The following LINGO2 variants were observed in gnomAD, a reference collection of about 807,000 sequenced individuals.
LINGO2 encodes the protein leucine rich repeat and Ig domain containing 2, also known as leucine-rich repeat and immunoglobulin-like domain-containing nogo receptor-interacting protein 2.
In LINGO2, 14 loss-of-function variants were observed where a neutral mutation model predicts 30.6. The ratio of observed to expected loss-of-function variants is 0.46; its 90% CI spans 0.30 to 0.72. The LOEUF (loss-of-function observed/expected upper bound fraction) is 0.72. Ranked by LOEUF, LINGO2 falls within the 30% of genes least tolerant of loss-of-function variation. The pLI is 0.07. For synonymous variants in LINGO2, 317 were observed against 288.5 expected, an observed-to-expected ratio of 1.10 and a Z score of -1.00; for missense variants, 729 against 751.7, an observed-to-expected ratio of 0.97 and a Z score of 0.35.
In LINGO2 at chr9:27,959,877, C is replaced by G. The variant is rs377067563; in HGVS notation, c.-35-9171G>C. Among the ~76,000 whole-genome samples, 108 of 152,232 alleles carry G rather than the reference C, an allele frequency of 7.1e-4. No individual in the cohort carries two copies. The South Asian group carries it at 0.021, about 29-fold the overall frequency. ...TCCTGAGAAATGGGTATTAAAATCT[C>G]TAACTATGAATGTGAACTTGTCTGC... On this transcript the variant is annotated intron_variant, in intron 5 of 5. Transcript: ENST00000379992.
chr9:28,063,428 T>C (rs1479759657), intron 4 of LINGO2, among the ~76,000 whole-genome samples: 1 of 67,716 alleles, frequency 1.5e-5, no homozygotes, highest in Non-Finnish European at 2.9e-5. Flanking sequence ...TCAATATTAT[T>C]ATCCACATTT....
At chr9:28,685,947 G>C in the LINGO2 span, among the ~76,000 whole-genome samples, 2 of 151,360 alleles carry the variant, frequency 1.3e-5, no homozygotes, top group Non-Finnish European at 2.9e-5. Flanking sequence ...GTGTGTGGGT[G>C]CATGATTTCT....
At chr9:28,536,482 C>T (rs1236681571) in intron 1 of LINGO2, among the ~76,000 whole-genome samples, 4 of 151,988 alleles carry the variant, frequency 2.6e-5, no homozygotes, top group Non-Finnish European at 5.9e-5. Context: ...AGTAATAATG[C>T]ATGAATGAAG....
the LINGO2 span, among the ~76,000 whole-genome samples, chr9:29,199,110 TC>T: frequency 1.3e-5 from 2 of 152,122 alleles, no homozygotes; most frequent in African/African-American, 4.8e-5. Flanking sequence ...CATTGAAGTT[TC>T]AGTGATGTCA....
chr9:28,586,628 T>C (rs1354620193), intron 1 of LINGO2, among the ~76,000 whole-genome samples: 1 of 152,064 alleles, frequency 6.6e-6, no homozygotes, highest in Non-Finnish European at 1.5e-5. Flanking sequence ...CAAATATATC[T>C]GTCCTTCCAA....
chr9:28,847,832 TAGTATATATACACATATA>T, the LINGO2 span, among the ~76,000 whole-genome samples: 48 of 82,262 alleles, frequency 5.8e-4, 5 homozygotes, highest in Non-Finnish European at 1.1e-3. Context: ...TATATATGTA[TAGTATATATACACATATA>T]TGTATATATA....
At chr9:28,248,001 T>A (rs1392856639) in intron 4 of LINGO2, among the ~76,000 whole-genome samples, 4 of 152,198 alleles carry the variant, frequency 2.6e-5, no homozygotes, top group Non-Finnish European at 4.4e-5. Flanking sequence ...CCTCATACAC[T>A]GTTGGTTGGA....
At chr9:28,723,077 T>C in the LINGO2 span, among the ~76,000 whole-genome samples, 2 of 152,120 alleles carry the variant, frequency 1.3e-5, no homozygotes, top group African/African-American at 4.8e-5. Flanking sequence ...AGGTGGTTTA[T>C]GTACACACAG....
chr9:28,983,719 C>T, the LINGO2 span, among the ~76,000 whole-genome samples: 1 of 151,754 alleles, frequency 6.6e-6, no homozygotes, highest in Non-Finnish European at 1.5e-5. Context: ...CCATACAGTA[C>T]CTAGTCCAAA....
chr9:28,982,636 T>G, the LINGO2 span, among the ~76,000 whole-genome samples: 1 of 151,906 alleles, frequency 6.6e-6, no homozygotes, highest in African/African-American at 2.4e-5. Context: ...AGAGAAAAAT[T>G]TTTCTAAAGC....
At chr9:28,173,386 T>C (rs1828656427) in intron 4 of LINGO2, among the ~76,000 whole-genome samples, 1 of 152,146 alleles carries the variant, frequency 6.6e-6, no homozygotes, top group Non-Finnish European at 1.5e-5. Flanking sequence ...AGCTGAACTC[T>C]AAGGAAATGG....
the LINGO2 span, among the ~76,000 whole-genome samples, chr9:28,887,106 C>A: frequency 6.6e-6 from 1 of 152,022 alleles, no homozygotes; most frequent in Non-Finnish European, 1.5e-5. Flanking sequence ...AATGCTGTGT[C>A]CATTATAATA....
intron 1 of LINGO2, among the ~76,000 whole-genome samples, chr9:28,519,189 G>A (rs963456387): frequency 6.6e-6 from 1 of 151,668 alleles, no homozygotes. Context: ...GTGCCACTAC[G>A]TCCAGACAAT....
chr9:28,860,066 A>G, the LINGO2 span, among the ~76,000 whole-genome samples: 2 of 152,118 alleles, frequency 1.3e-5, no homozygotes, highest in African/African-American at 4.8e-5. Flanking sequence ...AAATTAAATA[A>G]AACATAAATA....
chr9:28,867,974 A>G, the LINGO2 span, among the ~76,000 whole-genome samples: 1 of 152,178 alleles, frequency 6.6e-6, no homozygotes, highest in Non-Finnish European at 1.5e-5. Flanking sequence ...ATACTTAAAC[A>G]TTTTGTAAAA....
chr9:28,320,052 TC>T (rs1824984079), intron 3 of LINGO2, among the ~76,000 whole-genome samples: 1 of 152,120 alleles, frequency 6.6e-6, no homozygotes, highest in Non-Finnish European at 1.5e-5. Context: ...CCTATGGAAT[TC>T]CAGCTATACG....
chr9:28,173,483 T>C (rs928352258), intron 4 of LINGO2, among the ~76,000 whole-genome samples: 4 of 152,216 alleles, frequency 2.6e-5, no homozygotes, highest in African/African-American at 9.6e-5. Flanking sequence ...ATAGGACCAA[T>C]TTTTTGAATT....
the LINGO2 span, among the ~76,000 whole-genome samples, chr9:28,820,559 A>G: frequency 1.3e-5 from 2 of 152,242 alleles, no homozygotes; most frequent in African/African-American, 4.8e-5. Flanking sequence ...TTCATTATAT[A>G]TGTCCAGAGC....
At chr9:28,777,287 AAC>A in the LINGO2 span, among the ~76,000 whole-genome samples, 1 of 152,220 alleles carries the variant, frequency 6.6e-6, no homozygotes, top group South Asian at 2.1e-4. Flanking sequence ...ACTGAATAAA[AAC>A]AATCATTATT....
Sources: allele counts gnomAD v4.1 joint callset (sites outside exome capture counted in the v4.1 genomes callset), GRCh38; gene constraint gnomAD v4.1.1; transcripts MANE v1.5; gene names NCBI Gene and HGNC (gene_info 2026-07-23, HGNC 2026-07-21).